The following PACRG variants were observed in gnomAD, a reference collection of about 807,000 sequenced individuals.
PACRG encodes the protein parkin coregulated, also known as parkin coregulated gene protein.
Under a neutral mutation model 29.7 loss-of-function variants are expected in PACRG, and 29 were observed. The observed-to-expected ratio is 0.98, with a 90% confidence interval of 0.73 to 1.33. The LOEUF (loss-of-function observed/expected upper bound fraction) is 1.33, where lower values mean the gene tolerates loss of function less well. Ranked by LOEUF, PACRG falls within the 40% of genes most tolerant of loss-of-function variation. The pLI, the probability that PACRG is intolerant of heterozygous loss-of-function variation, is 0.00. For synonymous variants in PACRG, 116 were observed against 118.7 expected (o/e 0.98, Z 0.15); for missense variants, 279 against 316.2 (o/e 0.88, Z 0.89).
chr6:162,926,457 A>G (rs987754026), intron 2 of PACRG, among the ~76,000 whole-genome samples: 7 of 152,160 alleles, frequency 4.6e-5, no homozygotes, highest in African/African-American at 1.4e-4. Flanking sequence ...AAGCAGATGC[A>G]TAGACCACTG....
At chr6:163,304,946 A>T (rs976564487) in intron 4 of PACRG, among the ~76,000 whole-genome samples, 40 of 152,252 alleles carry the variant, frequency 2.6e-4, no homozygotes, top group Admixed American at 4.6e-4. Flanking sequence ...AATCAGGAAG[A>T]GGAGGCTTTG....
chr6:162,808,037 A>G (rs1049952370), intron 1 of PACRG, among the ~76,000 whole-genome samples: 1 of 152,212 alleles, frequency 6.6e-6, no homozygotes, highest in Non-Finnish European at 1.5e-5. Flanking sequence ...ATCTTCTATT[A>G]CAATACAATT....
At chr6:163,113,911 C>T (rs908339808) in intron 4 of PACRG, among the ~76,000 whole-genome samples, 4 of 152,110 alleles carry the variant, frequency 2.6e-5, no homozygotes, top group Middle Eastern at 3.2e-3. Context: ...ATTATTTAAC[C>T]TATTAATGCA....
At chr6:163,304,932 G>C (rs542526542) in intron 4 of PACRG, among the ~76,000 whole-genome samples, 11 of 152,308 alleles carry the variant, frequency 7.2e-5, no homozygotes, top group Middle Eastern at 3.4e-3. Flanking sequence ...TGTTCTGCAG[G>C]GTAAATCAGG....
chr6:162,912,392 C>T (rs1234869873), intron 2 of PACRG, among the ~76,000 whole-genome samples: 1 of 152,166 alleles, frequency 6.6e-6, no homozygotes, highest in African/African-American at 2.4e-5. Flanking sequence ...GTATGCTTAA[C>T]TTGAATGAGG....
rs958501863 is a variant in PACRG at position 163,100,875 on chromosome 6, T to A, written c.613+11467T>A. The A allele has an allele frequency of 5.1e-6, 5 of 984,198 alleles. No individual in the cohort carries two copies. In the African/African-American group the frequency reaches 8.7e-5, roughly 17 times the overall value. 61.0% of individuals were successfully genotyped at this position (984,198 alleles called of 1,614,324 possible). On this transcript the variant is annotated intron_variant, in intron 4 of 4. Transcript: ENST00000366888. The stretch of plus-strand genomic sequence containing the variant: ...CAAATATTATTGATATTTTCTTGCT[T>A]GCCTGCTTTCTGTATTATATTCTCA...
At chr6:163,228,894 A>C (rs1781913038) in intron 4 of PACRG, among the ~76,000 whole-genome samples, 1 of 152,060 alleles carries the variant, frequency 6.6e-6, no homozygotes, top group Non-Finnish European at 1.5e-5. Flanking sequence ...AAACTATAAA[A>C]CTCCTGAAAA....
chr6:163,297,170 A>G (rs1486335555), intron 4 of PACRG, among the ~76,000 whole-genome samples: 1 of 152,252 alleles, frequency 6.6e-6, no homozygotes, highest in East Asian at 1.9e-4. Context: ...AAGACTATGT[A>G]AAGACTTTGT....
intron 2 of PACRG, among the ~76,000 whole-genome samples, chr6:163,020,588 G>A (rs564181784): frequency 2.4e-4 from 37 of 152,298 alleles, no homozygotes; most frequent in African/African-American, 8.7e-4. Flanking sequence ...GAGTCCAGCA[G>A]CAGCGTTCGC....
intron 4 of PACRG, chr6:163,310,915 G>T (rs534428993): frequency 2.0e-5 from 3 of 152,194 alleles, no homozygotes; most frequent in African/African-American, 4.8e-5. Context: ...GCAGCCCGGA[G>T]GATGCTATCG....
Position 163,188,179 on chromosome 6 carries a change from G to A in PACRG, c.613+98771G>A, listed in dbSNP as rs138038976. ...GGACTGGTTTGCATCAGAACATCGG[G>A]GAGGCAGGAGCCCCAAGTCAACCAT... On this transcript the variant is annotated intron_variant, in intron 4 of 4. Coordinates refer to ENST00000366888, the MANE Select transcript of PACRG (RefSeq NM_001080379.2). Among the ~76,000 whole-genome samples, 43 of 152,298 alleles carry A rather than the reference G, an allele frequency of 2.8e-4. No homozygotes were observed. In the East Asian group the frequency reaches 7.7e-3, roughly 27 times the overall value.
intron 2 of PACRG, among the ~76,000 whole-genome samples, chr6:162,927,972 A>G (rs1165073931): frequency 1.3e-5 from 2 of 151,974 alleles, no homozygotes; most frequent in African/African-American, 2.4e-5. Context: ...CATTGCTAAT[A>G]TTGGCTTGTA....
At chr6:162,756,995 A>T (rs993131764) in intron 1 of PACRG, among the ~76,000 whole-genome samples, 1 of 151,952 alleles carries the variant, frequency 6.6e-6, no homozygotes, top group Non-Finnish European at 1.5e-5. Context: ...TGGACTCACG[A>T]TTCTGTTCTA....
At chr6:163,227,562 C>A (rs1781855548) in intron 4 of PACRG, among the ~76,000 whole-genome samples, 1 of 152,202 alleles carries the variant, frequency 6.6e-6, no homozygotes, top group Admixed American at 6.5e-5. Flanking sequence ...CATGGGTGTG[C>A]CGTCCTTCAT....
At chr6:163,171,840 C>A (rs528924860) in intron 4 of PACRG, among the ~76,000 whole-genome samples, 6 of 152,174 alleles carry the variant, frequency 3.9e-5, no homozygotes, top group African/African-American at 1.4e-4. Flanking sequence ...GGTAGCACTG[C>A]CTGTGGGGAC....
intron 1 of PACRG, among the ~76,000 whole-genome samples, chr6:162,797,707 C>T (rs1785502764): frequency 6.6e-6 from 1 of 152,080 alleles, no homozygotes; most frequent in Non-Finnish European, 1.5e-5. Flanking sequence ...GATAAGGTAG[C>T]ACTCCCTTGC....
intron 1 of PACRG, among the ~76,000 whole-genome samples, chr6:162,772,722 G>C (rs1783316531): frequency 6.6e-6 from 1 of 152,162 alleles, no homozygotes; most frequent in Non-Finnish European, 1.5e-5. Context: ...GAGTAGGCTA[G>C]AGAAAAGAGG....
chr6:163,298,353 A>G (rs1166912769), intron 4 of PACRG, among the ~76,000 whole-genome samples: 1 of 152,172 alleles, frequency 6.6e-6, no homozygotes, highest in East Asian at 1.9e-4. Flanking sequence ...TTAGAGTAGC[A>G]TTTTATAGAC....
intron 1 of PACRG, among the ~76,000 whole-genome samples, chr6:162,775,415 G>A (rs574789444): frequency 2.0e-5 from 3 of 152,238 alleles, no homozygotes; most frequent in Non-Finnish European, 4.4e-5. Context: ...TTGCGTAAGT[G>A]TTAGAGGTAT....
Sources: allele counts gnomAD v4.1 joint callset (sites outside exome capture counted in the v4.1 genomes callset), GRCh38; gene constraint gnomAD v4.1.1; transcripts MANE v1.5; gene names NCBI Gene and HGNC (gene_info 2026-07-23, HGNC 2026-07-21).